The following CLPB variants were observed in gnomAD, a reference collection of about 807,000 sequenced individuals.
CLPB encodes the protein ClpB family mitochondrial disaggregase.
A neutral mutation model predicts 78.4 loss-of-function variants in CLPB; 40 were observed. The ratio of observed to expected loss-of-function variants is 0.51; its 90% CI spans 0.40 to 0.66. CLPB has a LOEUF of 0.66. Among genes scored for constraint, CLPB ranks in the 30% least tolerant of loss-of-function variants. The pLI, the probability that CLPB is intolerant of heterozygous loss-of-function variation, is 0.00. For synonymous variants in CLPB, 333 were observed against 348.0 expected, an observed-to-expected ratio of 0.96 and a Z score of 0.48; for missense variants, 780 against 886.9, an observed-to-expected ratio of 0.88 and a Z score of 1.53.
At chr11:72,406,593 A>G (rs1164110300) in intron 2 of CLPB, among the ~76,000 whole-genome samples, 1 of 152,170 alleles carries the variant, frequency 6.6e-6, no homozygotes, top group Non-Finnish European at 1.5e-5. Context: ...TCTCACTTCC[A>G]TCATTTTGAT....
intron 15 of CLPB, among the ~76,000 whole-genome samples, 153 bp from the exon 16 acceptor site, chr11:72,293,768 C>T (rs977182091): frequency 6.6e-6 from 1 of 152,232 alleles, no homozygotes; most frequent in Admixed American, 6.5e-5. Context: ...ACAGCTAGCT[C>T]GCAGGACTGC....
At chr11:72,376,516 C>T (rs1458186432) in intron 4 of CLPB, among the ~76,000 whole-genome samples, 1 of 149,644 alleles carries the variant, frequency 6.7e-6, no homozygotes, top group African/African-American at 2.5e-5. Flanking sequence ...AAAATAAAGC[C>T]AGCTGCCAGA....
intron 11 of CLPB, among the ~76,000 whole-genome samples, chr11:72,301,025 T>C (rs1271713364): frequency 1.3e-5 from 2 of 152,226 alleles, no homozygotes; most frequent in Admixed American, 1.3e-4. Flanking sequence ...GCCTTAGGCA[T>C]GTCTTTTATA....
intron 4 of CLPB, among the ~76,000 whole-genome samples, chr11:72,377,596 C>A (rs1196910340): frequency 7.7e-6 from 1 of 129,502 alleles, no homozygotes; most frequent in Non-Finnish European, 1.6e-5. Flanking sequence ...AAAAATAATC[C>A]AGAGGTTGAC....
chr11:72,390,210 A>G (rs1855207139), intron 3 of CLPB, among the ~76,000 whole-genome samples: 1 of 151,978 alleles, frequency 6.6e-6, no homozygotes, highest in South Asian at 2.1e-4. Flanking sequence ...GGCTGAGGCG[A>G]GCAGATCACT....
Position 72,408,185 on chromosome 11 carries a change from T to C in CLPB, c.456-5133A>G, listed in dbSNP as rs1280251341. Reference sequence around the variant, plus strand: ...TGCCCAGCTTCTTGACTGAGCATCATTCTTTGCAGTCTCTTGGGGCTGAGG... The same window carrying C: ...TGCCCAGCTTCTTGACTGAGCATCACTCTTTGCAGTCTCTTGGGGCTGAGG... On this transcript the variant is annotated intron_variant, in intron 2 of 15. Transcript: ENST00000538039. 2.6e-6 allele frequency: 4 copies of C among 1,535,502 alleles called. No homozygotes were observed. The South Asian group carries it at 3.6e-5, about 14-fold the overall frequency.
chr11:72,311,968 C>G (rs1949855491), intron 7 of CLPB, among the ~76,000 whole-genome samples: 1 of 152,204 alleles, frequency 6.6e-6, no homozygotes, highest in Non-Finnish European at 1.5e-5. Flanking sequence ...TTCACTCCAC[C>G]ACACCACATC....
intron 4 of CLPB, among the ~76,000 whole-genome samples, chr11:72,365,833 G>T (rs1483639423): frequency 6.6e-6 from 1 of 152,142 alleles, no homozygotes; most frequent in African/African-American, 2.4e-5. Context: ...AATAAATGGT[G>T]CTGGGATAAC....
At position 72,295,801 on chromosome 11, in the gene CLPB, C is replaced by T. The variant is rs1379148516; in HGVS notation, c.1330-153G>A. ...CAGCTGCTTCCTCCTCTGGGTTCTC[C>T]GAGCACTAGACTTGCACCTTGGCTG... On this transcript the variant is annotated intron_variant, in intron 11 of 15. Transcript: ENST00000538039. Among the ~76,000 whole-genome samples the T allele has an allele frequency of 4.6e-5, 7 of 152,218 alleles. No individual in the cohort carries two copies. In the South Asian group the frequency reaches 8.3e-4, roughly 18 times the overall value.
At chr11:72,367,956 AACTT>A (rs920241560) in intron 4 of CLPB, among the ~76,000 whole-genome samples, 4 of 152,174 alleles carry the variant, frequency 2.6e-5, no homozygotes, top group Admixed American at 6.5e-5. Flanking sequence ...TGTAAATTAA[AACTT>A]AATAAAGCTG....
intron 4 of CLPB, among the ~76,000 whole-genome samples, chr11:72,374,974 A>G (rs1212733804): frequency 6.6e-6 from 1 of 152,150 alleles, no homozygotes. Context: ...CCACATATCT[A>G]ACTATTCACT....
chr11:72,430,742 C>G (rs987751445), intron 1 of CLPB, among the ~76,000 whole-genome samples: 6 of 152,196 alleles, frequency 3.9e-5, no homozygotes, highest in African/African-American at 1.4e-4. Flanking sequence ...TCCACTTTCT[C>G]CCTCAACTCC....
chr11:72,316,843 G>T (rs1283225473), intron 7 of CLPB, among the ~76,000 whole-genome samples: 2 of 152,196 alleles, frequency 1.3e-5, no homozygotes, highest in Admixed American at 1.3e-4. Context: ...TAGGAAAGCA[G>T]CCTCGAGCAA....
chr11:72,307,358 G>A, intron 8 of CLPB, 104 bp from the exon 9 acceptor site: 1 of 975,898 alleles, frequency 1.0e-6, no homozygotes, highest in Non-Finnish European at 1.6e-6. Flanking sequence ...TATATTCTAT[G>A]GATGAGAATG....
intron 5 of CLPB, chr11:72,354,739 G>A (rs1055151291): frequency 1.2e-5 from 2 of 167,392 alleles, no homozygotes; most frequent in African/African-American, 2.4e-5. Context: ...GCGGTTGGGA[G>A]TAGAAGACTG....
intron 1 of CLPB, 64 bp from the exon 2 acceptor site, chr11:72,430,427 G>A (rs1006640173): frequency 8.1e-5 from 118 of 1,464,426 alleles, no homozygotes; most frequent in Non-Finnish European, 1.1e-4. Context: ...GGACTGCGTG[G>A]AGGGCCCACT....
chr11:72,389,800 C>T (rs1409174894), intron 3 of CLPB, among the ~76,000 whole-genome samples: 2 of 152,044 alleles, frequency 1.3e-5, no homozygotes, highest in Non-Finnish European at 1.5e-5. Flanking sequence ...GTGGCACATG[C>T]CTGTAGTTCC....
chr11:72,350,760 G>A (rs1009249151), intron 5 of CLPB, among the ~76,000 whole-genome samples: 1 of 152,236 alleles, frequency 6.6e-6, no homozygotes, highest in Non-Finnish European at 1.5e-5. Context: ...CAGGCAATCA[G>A]TCAGACATCC....
chr11:72,407,458 G>A (rs774854064), intron 2 of CLPB, among the ~76,000 whole-genome samples: 6 of 152,098 alleles, frequency 3.9e-5, no homozygotes, highest in Non-Finnish European at 7.4e-5. Flanking sequence ...TTTGCATTTC[G>A]GGATTTTCTC....
Sources: gnomAD v4.1 joint callset for allele counts (sites outside exome capture counted in the v4.1 genomes callset) on GRCh38, gnomAD v4.1.1 for gene constraint, MANE v1.5 for transcripts, NCBI Gene and HGNC (gene_info 2026-07-23, HGNC 2026-07-21) for gene names.